ZNF91: variants seen among roughly 807,000 people sequenced by gnomAD.
The protein encoded by ZNF91 is zinc finger protein 91 (HPF7, HTF10).
In ZNF91, 7 loss-of-function variants were observed where a neutral mutation model predicts 12.6. That is an observed-to-expected ratio of 0.55 (90% confidence interval 0.31 to 1.04). ZNF91 has a LOEUF of 1.04. Ranked by LOEUF, ZNF91 falls within the 50% of genes least tolerant of loss-of-function variation. The pLI is 0.05. For synonymous variants in ZNF91, 453 were observed against 462.6 expected (o/e 0.98, Z 0.27); for missense variants, 1,217 against 1,385.4 (o/e 0.88, Z 1.93).
At chr19:23,393,174 T>A (rs892427416) in intron 1 of ZNF91, among the ~76,000 whole-genome samples, 2 of 152,136 alleles carry the variant, frequency 1.3e-5, no homozygotes, top group African/African-American at 4.8e-5. Flanking sequence ...AATTATTTGT[T>A]TTCTCCTCAA....
chr19:23,368,736 GA>G (rs1458593610), intron 3 of ZNF91, among the ~76,000 whole-genome samples: 2 of 151,518 alleles, frequency 1.3e-5, no homozygotes, highest in African/African-American at 4.8e-5. Context: ...TAAAATGGAT[GA>G]AAATATTTAC....
rs1046668453 is a variant in ZNF91, at chr19:23,359,179, T to G, written c.*224A>C. 4 of 508,906 alleles carry G rather than the reference T, an allele frequency of 7.9e-6. No individual in the cohort carries two copies. Among genetic ancestry groups the G allele is most frequent in the African/African-American group, 2.0e-5 (1 of 51,186 alleles). 31.5% of individuals were successfully genotyped at this position (508,906 alleles called of 1,614,324 possible). ...AAAGGTTGAAGACCGGTTAAAAGAT[T>G]TGCCACATTCTTTATATTTGTAGGG... On this transcript the variant is annotated 3_prime_UTR_variant, in exon 4 of 4. Coordinates refer to ENST00000300619, the MANE Select transcript of ZNF91 (RefSeq NM_003430.4).
chr19:23,359,726 T>C lies in ZNF91; in HGVS notation c.3253A>G (p.Lys1085Glu). The change falls in exon 4 of 4, where the codon AAA becomes GAA. Residue 1085 changes from lysine to glutamate, a missense_variant. Physicochemically the swap from Lys to Glu is moderately conservative, Grantham distance 56. Around this residue, in one of 2 missense-constraint regions of ZNF91, gnomAD observed 491 missense variants for 489.8 expected, o/e 1.00. Transcript: ENST00000300619. ...AGGGTTGAAGATTGGCTAAATGCTTTGCCACATTCTTCACATTTGTAGGGT... is the reference window on the plus strand; with the variant it reads ...AGGGTTGAAGATTGGCTAAATGCTTCGCCACATTCTTCACATTTGTAGGGT... ...EKPYKCEECG[K>E]AFSQSSTLTR... 6.2e-7 allele frequency: 1 copy of C among 1,614,186 alleles called. No individual in the cohort carries two copies. The highest frequency in any genetic ancestry group is 8.5e-7 in the Non-Finnish European group (1 of 1,180,016).
chr19:23,376,452 C>T (rs887645108), intron 1 of ZNF91, among the ~76,000 whole-genome samples: 2 of 151,380 alleles, frequency 1.3e-5, no homozygotes, highest in African/African-American at 4.9e-5. Context: ...TGGAATGGCA[C>T]GATCTCGGCT....
intron 1 of ZNF91, among the ~76,000 whole-genome samples, chr19:23,390,682 G>T (rs934916904): frequency 2.0e-5 from 3 of 151,962 alleles, no homozygotes; most frequent in African/African-American, 4.8e-5. Flanking sequence ...TTCCTCAGCT[G>T]TCCAAGTAGC....
intron 1 of ZNF91, among the ~76,000 whole-genome samples, chr19:23,381,442 T>C (rs1170245821): frequency 6.6e-6 from 1 of 151,236 alleles, no homozygotes; most frequent in Non-Finnish European, 1.5e-5. Context: ...GTTTATAAAC[T>C]GAACTCTTTT....
At chr19:23,340,146 T>C (rs1334456557) in intron 3 of ZNF91, 1 of 151,886 alleles carries the variant, frequency 6.6e-6, no homozygotes, top group Non-Finnish European at 1.5e-5. Flanking sequence ...AGAAAATTAA[T>C]AACAAATCAA....
chr19:23,362,726 C>A lies in ZNF91; in HGVS notation c.254-1G>T. On this transcript the variant is annotated splice_acceptor_variant, in intron 3 of 3. Transcript: ENST00000300619. LOFTEE classifies it high-confidence loss of function. The stretch of plus-strand genomic sequence containing the variant: ...TCTTGAGGAAAATGAGGACATATAC[C>A]TGAAAAAAAAAAACTAAAAATAATA... 7.0e-7 allele frequency: 1 copy of A among 1,438,604 alleles called. No homozygotes were observed. Among genetic ancestry groups the A allele is most frequent in the Non-Finnish European group, 9.1e-7 (1 of 1,095,314 alleles). 89.1% of individuals were successfully genotyped at this position (1,438,604 alleles called of 1,614,324 possible).
intron 3 of ZNF91, among the ~76,000 whole-genome samples, chr19:23,349,214 C>G (rs1968304112): frequency 6.6e-6 from 1 of 152,094 alleles, no homozygotes; most frequent in Admixed American, 6.5e-5. Flanking sequence ...CTCTGTGACT[C>G]ACTCCCAATT....
At chr19:23,377,811 T>C (rs1388303285) in intron 1 of ZNF91, among the ~76,000 whole-genome samples, 1 of 152,240 alleles carries the variant, frequency 6.6e-6, no homozygotes, top group Admixed American at 6.5e-5. Flanking sequence ...GCAGGTACTA[T>C]GTAATCAACA....
At chr19:23,321,255 A>T (rs1180164811) in intron 1 of ZNF91, among the ~76,000 whole-genome samples, 1 of 151,982 alleles carries the variant, frequency 6.6e-6, no homozygotes, top group East Asian at 1.9e-4. Flanking sequence ...AGGCGAGATG[A>T]CTCTATTCTC....
rs778881505 is a variant in ZNF91, at chr19:23,323,639, TCTC to T, written n.117-14545_117-14543del. Among the ~76,000 whole-genome samples, 55 of 132,870 alleles carry T rather than the reference TCTC, an allele frequency of 4.1e-4. 1 individual carries two copies. Among genetic ancestry groups the T allele is most frequent in the South Asian group, 8.1e-4 (3 of 3,700 alleles). The allele number at this position is 132,870 out of a possible 152,430, so 87.2% of individuals were successfully genotyped here. ...TTCTCTTCTCCTTTCTCCTCCTCCT[TCTC>T]TTCTCCTCTCCTCCTCCTTTCCTCT... On this transcript the variant is annotated intron_variant and non_coding_transcript_variant, in intron 1 of 1. Coordinates refer to the ZNF91 transcript ENST00000596528.
At chr19:23,387,941 CA>C (rs71163499) in intron 1 of ZNF91, among the ~76,000 whole-genome samples, 9,129 of 56,074 alleles carry the variant, frequency 0.16, 361 homozygotes, top group East Asian at 0.4. Flanking sequence ...GAGACTGTCT[CA>C]AAAAAAAAAA....
rs542581281 is a variant in ZNF91 at position 23,318,975 on chromosome 19, G to C, written n.117-9878C>G. On this transcript the variant is annotated intron_variant and non_coding_transcript_variant, in intron 1 of 1. Transcript: ENST00000596528. ...CTGTTGTAATTTTGACATAGGGCTG[G>C]GCTCATCTGTCTAGGTTATGTGACA... Among the ~76,000 whole-genome samples, 25 of 152,232 alleles carry C rather than the reference G, an allele frequency of 1.6e-4. No individual in the cohort carries two copies. The East Asian group carries it at 4.6e-3, about 28-fold the overall frequency.
intron 3 of ZNF91, among the ~76,000 whole-genome samples, chr19:23,372,920 G>C (rs1026608488): frequency 2.6e-5 from 4 of 152,150 alleles, no homozygotes; most frequent in African/African-American, 9.7e-5. Flanking sequence ...GCAGAAACCT[G>C]CCCTTGGGTC....
rs537905687 is a variant in ZNF91, at chr19:23,359,102, A to T, written c.*301T>A. The T allele has an allele frequency of 3.4e-4, 190 of 563,124 alleles. 2 individuals are homozygous for T. Among genetic ancestry groups the T allele is most frequent in the South Asian group, 1.3e-3 (83 of 64,176 alleles). 34.9% of individuals were successfully genotyped at this position (563,124 alleles called of 1,614,324 possible). On this transcript the variant is annotated 3_prime_UTR_variant, in exon 4 of 4. Coordinates refer to ENST00000300619, the MANE Select transcript of ZNF91 (RefSeq NM_003430.4). Reference sequence around the variant, plus strand: ...GAGGACCAGAAAAAGGATTTGCCACATTCTTCACATTTGTAGAGTTTTACT... The same window carrying T: ...GAGGACCAGAAAAAGGATTTGCCACTTTCTTCACATTTGTAGAGTTTTACT...
Position 23,362,261 on chromosome 19 carries a change from A to G in ZNF91, c.718T>C (p.Cys240Arg), listed in dbSNP as rs1968825832. Residue 240 changes from cysteine (C) to arginine (R), a missense_variant, in exon 4 of 4, where the codon TGT becomes CGT. Around this residue, in one of 2 missense-constraint regions of ZNF91, gnomAD observed 726 missense variants for 895.5 expected, o/e 0.81. Transcript: ENST00000300619. ...TTAAAAGCTTTGCCACATTCTTCAC[A>G]TTTGTAGGGTTTATCTTCAGTATGA... ...EIHTEDKPYKCEECGKAFKQL... is the reference protein window; with the variant it reads ...EIHTEDKPYKREECGKAFKQL... 6.2e-7 allele frequency: 1 copy of G among 1,614,104 alleles called. No homozygotes were observed. The highest frequency in any genetic ancestry group is 8.5e-7 in the Non-Finnish European group (1 of 1,180,002).
intron 3 of ZNF91, among the ~76,000 whole-genome samples, chr19:23,351,459 G>T (rs1968364897): frequency 6.6e-6 from 1 of 152,140 alleles, no homozygotes; most frequent in Admixed American, 6.5e-5. Context: ...GATAAATCGG[G>T]GAGAATTATT....
At chr19:23,364,101 C>T (rs2145067368) in intron 3 of ZNF91, among the ~76,000 whole-genome samples, 1 of 152,280 alleles carries the variant, frequency 6.6e-6, no homozygotes. Flanking sequence ...GACAGATCAC[C>T]TAAGGTCAGG....
Sources: gnomAD v4.1 joint callset for allele counts (sites outside exome capture counted in the v4.1 genomes callset) on GRCh38, gnomAD v4.1.1 for gene constraint, gnomAD v4.1.1 regional missense constraint, MANE v1.5 for transcripts, NCBI Gene and HGNC (gene_info 2026-07-23, HGNC 2026-07-21) for gene names.